The following SHISA9 variants were observed in gnomAD, a reference collection of about 807,000 sequenced individuals.
The protein encoded by SHISA9 is shisa family member 9.
In SHISA9, 13 loss-of-function variants were observed where a neutral mutation model predicts 38.0. That is an observed-to-expected ratio of 0.34 (90% CI 0.22 to 0.54). The LOEUF (loss-of-function observed/expected upper bound fraction) is 0.54, where lower values mean the gene tolerates loss of function less well. SHISA9 is among the 20% of genes least tolerant of loss of function. SHISA9 has a pLI of 0.91. For missense variants in SHISA9, 538 were observed against 575.8 expected (o/e 0.93, Z 0.67); for synonymous variants, 275 against 242.0 (o/e 1.14, Z -1.27).
At chr16:13,440,236 C>G in the SHISA9 span, among the ~76,000 whole-genome samples, 1 of 152,194 alleles carries the variant, frequency 6.6e-6, no homozygotes, top group African/African-American at 2.4e-5. Context: ...CAGAAGGAAG[C>G]CTCTCCCATT....
chr16:12,937,263 A>G (rs1459251643), intron 2 of SHISA9, among the ~76,000 whole-genome samples: 1 of 152,208 alleles, frequency 6.6e-6, no homozygotes, highest in East Asian at 1.9e-4. Flanking sequence ...TGAATAGGTC[A>G]ATATGTACAT....
intron 2 of SHISA9, among the ~76,000 whole-genome samples, chr16:13,048,213 G>C (rs1202835631): frequency 2.0e-5 from 3 of 152,094 alleles, no homozygotes; most frequent in East Asian, 1.9e-4. Flanking sequence ...TTGATAAATG[G>C]CATATCTCAA....
intron 2 of SHISA9, among the ~76,000 whole-genome samples, chr16:13,119,675 T>C (rs781519877): frequency 6.6e-6 from 1 of 152,242 alleles, no homozygotes; most frequent in Non-Finnish European, 1.5e-5. Flanking sequence ...GTTTATTTGC[T>C]GTTTTCTTCA....
At chr16:12,959,290 G>T (rs966785750) in intron 2 of SHISA9, among the ~76,000 whole-genome samples, 1 of 152,216 alleles carries the variant, frequency 6.6e-6, no homozygotes, top group Admixed American at 6.5e-5. Flanking sequence ...CCTCTGCAGG[G>T]TGCTGGTTAA....
intron 2 of SHISA9, among the ~76,000 whole-genome samples, chr16:12,946,686 T>TG (rs1032908339): frequency 6.6e-6 from 1 of 152,210 alleles, no homozygotes; most frequent in African/African-American, 2.4e-5. Flanking sequence ...GGCTGGAGGT[T>TG]GGGGGCCGAG....
intron 2 of SHISA9, among the ~76,000 whole-genome samples, chr16:13,181,959 G>T (rs1171735104): frequency 6.6e-6 from 1 of 152,186 alleles, no homozygotes; most frequent in Non-Finnish European, 1.5e-5. Flanking sequence ...TTCCATGCGA[G>T]CAATAAGTAT....
the SHISA9 span, among the ~76,000 whole-genome samples, chr16:13,308,648 G>GGT: frequency 6.6e-6 from 1 of 152,080 alleles, no homozygotes; most frequent in South Asian, 2.1e-4. Context: ...TGGGGGACAA[G>GGT]GTGTGTGTGT....
chr16:13,205,465 G>T (rs2051055113), intron 3 of SHISA9, among the ~76,000 whole-genome samples: 1 of 152,084 alleles, frequency 6.6e-6, no homozygotes, highest in African/African-American at 2.4e-5. Flanking sequence ...CTATTCCTTG[G>T]GGAGCTAGAA....
chr16:13,534,603 A>T, the SHISA9 span, among the ~76,000 whole-genome samples: 88 of 152,282 alleles, frequency 5.8e-4, no homozygotes, highest in South Asian at 2.5e-3. Flanking sequence ...CCCTCTTTTT[A>T]CAAGAATTGT....
Position 13,235,521 on chromosome 16 carries a change from C to G in SHISA9, c.*112C>G. ...TAATACATGCGTCCACACACTCACTCTCAACAAGAACCAACTCTAAACCTA... is the reference window on the plus strand; with the variant it reads ...TAATACATGCGTCCACACACTCACTGTCAACAAGAACCAACTCTAAACCTA... On this transcript the variant is annotated 3_prime_UTR_variant, in exon 5 of 5. Transcript: ENST00000558583. 2 of 1,302,534 alleles carry G rather than the reference C, an allele frequency of 1.5e-6. No individual in the cohort carries two copies. Among genetic ancestry groups the G allele is most frequent in the South Asian group, 3.1e-5 (2 of 64,330 alleles). The allele number at this position is 1,302,534 out of a possible 1,614,324, so 80.7% of individuals were successfully genotyped here. A position where few individuals can be genotyped will look rare whatever the true frequency, so the allele number is the denominator to read the frequency against.
At chr16:13,395,757 T>C in the SHISA9 span, among the ~76,000 whole-genome samples, 8 of 152,354 alleles carry the variant, frequency 5.3e-5, no homozygotes, top group South Asian at 1.7e-3. Flanking sequence ...TCGATAAATA[T>C]TTGTCAAATG....
intron 4 of SHISA9, among the ~76,000 whole-genome samples, chr16:13,218,576 G>A (rs1173516213): frequency 6.6e-6 from 1 of 152,228 alleles, no homozygotes; most frequent in African/African-American, 2.4e-5. Context: ...CAGTGACAGA[G>A]TAATTTGTCA....
intron 2 of SHISA9, among the ~76,000 whole-genome samples, chr16:12,982,330 A>C (rs2072249740): frequency 6.6e-6 from 1 of 152,260 alleles, no homozygotes; most frequent in South Asian, 2.1e-4. Flanking sequence ...CCAAGTGCAC[A>C]GCTAGTGATT....
chr16:12,908,769 G>A, intron 1 of SHISA9: 1 of 1,397,638 alleles, frequency 7.2e-7, no homozygotes, highest in Non-Finnish European at 9.3e-7. Flanking sequence ...GGCAGGCCCA[G>A]ACGTCTTGGT....
intron 2 of SHISA9, among the ~76,000 whole-genome samples, chr16:13,146,039 T>C (rs539227525): frequency 6.6e-6 from 1 of 152,248 alleles, no homozygotes; most frequent in African/African-American, 2.4e-5. Context: ...GATACAAAAA[T>C]TAGCGAGGTG....
At chr16:12,902,870 C>G (rs908911909) in intron 1 of SHISA9, 8 of 439,496 alleles carry the variant, frequency 1.8e-5, no homozygotes, top group East Asian at 8.5e-5. Flanking sequence ...GTGTGTGTGA[C>G]TCTGCTCCCT....
the SHISA9 span, among the ~76,000 whole-genome samples, chr16:13,300,426 G>A: frequency 4.8e-4 from 73 of 152,166 alleles, no homozygotes; most frequent in East Asian, 0.014. Context: ...AATCGGAGAG[G>A]TGCATATTCC....
At chr16:13,113,287 T>A (rs2073998121) in intron 2 of SHISA9, among the ~76,000 whole-genome samples, 1 of 152,020 alleles carries the variant, frequency 6.6e-6, no homozygotes, top group Admixed American at 6.5e-5. Flanking sequence ...TAAAGTGTTT[T>A]CATTTGTTGC....
intron 2 of SHISA9, among the ~76,000 whole-genome samples, chr16:13,114,391 A>G (rs2074009543): frequency 6.8e-6 from 1 of 146,982 alleles, no homozygotes; most frequent in South Asian, 2.3e-4. Flanking sequence ...GCTTGAACCC[A>G]GTAGGCGGAG....
Sources: allele counts gnomAD v4.1 joint callset (sites outside exome capture counted in the v4.1 genomes callset), GRCh38; gene constraint gnomAD v4.1.1; transcripts MANE v1.5; gene names NCBI Gene and HGNC (gene_info 2026-07-23, HGNC 2026-07-21).